The following PIK3C2A variants were observed in gnomAD, a reference collection of about 807,000 sequenced individuals.
PIK3C2A encodes the protein phosphatidylinositol-4-phosphate 3-kinase catalytic subunit type 2 alpha.
In PIK3C2A, 97 loss-of-function variants were observed where a neutral mutation model predicts 204.5. That is an observed-to-expected ratio of 0.47 (90% CI 0.40 to 0.56). The LOEUF is 0.56. Ranked by LOEUF, PIK3C2A falls within the 20% of genes least tolerant of loss-of-function variation. The pLI is 0.00. For missense variants in PIK3C2A, 1,735 were observed against 1,969.2 expected, an observed-to-expected ratio of 0.88 and a Z score of 2.25; for synonymous variants, 653 against 664.4, an observed-to-expected ratio of 0.98 and a Z score of 0.26.
intron 2 of PIK3C2A, among the ~76,000 whole-genome samples, chr11:17,160,907 G>A (rs886243201): frequency 6.6e-6 from 1 of 152,106 alleles, no homozygotes; most frequent in African/African-American, 2.4e-5. Flanking sequence ...AAAAAAAACA[G>A]TTAAGTTTTG....
At chr11:17,176,164 C>T (rs533701129) in intron 1 of PIK3C2A, among the ~76,000 whole-genome samples, 20 of 150,164 alleles carry the variant, frequency 1.3e-4, no homozygotes, top group Admixed American at 1.3e-3. Flanking sequence ...CCACCATGCC[C>T]GGCTCATTTT....
intron 27 of PIK3C2A, among the ~76,000 whole-genome samples, chr11:17,094,706 G>A (rs1277033095): frequency 4.6e-5 from 7 of 152,146 alleles, no homozygotes; most frequent in African/African-American, 1.7e-4. Flanking sequence ...GGGCAACAGA[G>A]CGAGACTCCA....
At chr11:17,181,687 C>CAA (rs1851571187) in intron 1 of PIK3C2A, among the ~76,000 whole-genome samples, 1 of 116,650 alleles carries the variant, frequency 8.6e-6, no homozygotes. Flanking sequence ...CACACACACA[C>CAA]ACACACAAAC....
At chr11:17,105,580 T>C (rs1027336035) in intron 22 of PIK3C2A, among the ~76,000 whole-genome samples, 3 of 152,156 alleles carry the variant, frequency 2.0e-5, no homozygotes, top group Non-Finnish European at 2.9e-5. Context: ...TGGTGTGTGA[T>C]GTTCCCCTCC....
chr11:17,125,746 C>T (rs1001259834), intron 13 of PIK3C2A, among the ~76,000 whole-genome samples: 1 of 152,024 alleles, frequency 6.6e-6, no homozygotes, highest in Non-Finnish European at 1.5e-5. Flanking sequence ...CTCAAACTCC[C>T]GCCTTGGCTT....
intron 2 of PIK3C2A, among the ~76,000 whole-genome samples, chr11:17,163,908 T>TAA (rs35154954): frequency 2.6e-3 from 367 of 142,572 alleles, no homozygotes; most frequent in African/African-American, 5.3e-3. Context: ...TACAAAACCT[T>TAA]AAAAAAAAAA....
intron 1 of PIK3C2A, among the ~76,000 whole-genome samples, chr11:17,204,662 G>A (rs532372843): frequency 3.3e-4 from 50 of 152,234 alleles, no homozygotes; most frequent in African/African-American, 1.2e-3. Flanking sequence ...AAATTCTTGA[G>A]AGCAAGCACT....
intron 27 of PIK3C2A, among the ~76,000 whole-genome samples, chr11:17,095,708 G>A (rs922808598): frequency 1.3e-5 from 2 of 151,720 alleles, no homozygotes; most frequent in African/African-American, 2.4e-5. Flanking sequence ...CCAGGAATTC[G>A]CCTGGCCATG....
chr11:17,199,650 C>A (rs1852295315), intron 1 of PIK3C2A, among the ~76,000 whole-genome samples: 1 of 152,074 alleles, frequency 6.6e-6, no homozygotes, highest in South Asian at 2.1e-4. Context: ...TTCACAGAGA[C>A]AAAAAGTAGA....
At chr11:17,131,884 T>G in intron 12 of PIK3C2A, 32 bp downstream of exon 12, 2 of 1,583,048 alleles carry the variant, frequency 1.3e-6, no homozygotes, top group Non-Finnish European at 8.6e-7. Context: ...CAGGACACAC[T>G]GAAAGAATAA....
chr11:17,192,635 T>C (rs1334853011), intron 1 of PIK3C2A, among the ~76,000 whole-genome samples: 2 of 152,152 alleles, frequency 1.3e-5, no homozygotes, highest in Non-Finnish European at 2.9e-5. Flanking sequence ...TTGGTAGAGA[T>C]GGGGTTTCAC....
At chr11:17,192,136 C>T (rs778293291) in intron 1 of PIK3C2A, among the ~76,000 whole-genome samples, 5 of 152,026 alleles carry the variant, frequency 3.3e-5, no homozygotes, top group African/African-American at 4.8e-5. Context: ...CAGAGCGAGA[C>T]CCCTGTCTCA....
chr11:17,110,739 A>G (rs939494085), intron 21 of PIK3C2A, among the ~76,000 whole-genome samples, 178 bp from the exon 22 acceptor site: 1 of 152,112 alleles, frequency 6.6e-6, no homozygotes, highest in African/African-American at 2.4e-5. Context: ...CTAAAAACAC[A>G]AAAATTAGCT....
Position 17,166,394 on chromosome 11 carries a change from A to G in PIK3C2A, c.1065+2283T>C, listed in dbSNP as rs568264297. Among the ~76,000 whole-genome samples, 135 of 152,284 alleles carry G rather than the reference A, an allele frequency of 8.9e-4. 1 individual carries two copies. Among genetic ancestry groups the G allele is most frequent in the Non-Finnish European group, 9.7e-4 (66 of 68,008 alleles). Reference sequence around the variant, plus strand: ...TGGAGCTTTGGACAGTAAATAACCCACCTACCCAGAAACCTCAACTTGCTT... The same window carrying G: ...TGGAGCTTTGGACAGTAAATAACCCGCCTACCCAGAAACCTCAACTTGCTT... On this transcript the variant is annotated intron_variant, in intron 2 of 32. Transcript: ENST00000691414.
At chr11:17,106,347 G>A (rs1329456520) in intron 22 of PIK3C2A, among the ~76,000 whole-genome samples, 2 of 152,108 alleles carry the variant, frequency 1.3e-5, no homozygotes, top group Non-Finnish European at 2.9e-5. Context: ...AGGAGGCAGA[G>A]GTTGCAGTGA....
chr11:17,191,078 G>A lies in PIK3C2A; in HGVS notation c.-66+16770C>T, dbSNP rs921779653. Among the ~76,000 whole-genome samples, 7 of 152,274 alleles carry A rather than the reference G, an allele frequency of 4.6e-5. No homozygotes were observed. The South Asian group carries it at 8.3e-4, about 18-fold the overall frequency. ...ATGACTACTTGAAAGAAATTATGTC[G>A]GTTCTTATTAATACATGGAGTTAGG... is the stretch of plus-strand genomic sequence containing the variant. On this transcript the variant is annotated intron_variant, in intron 1 of 32. Coordinates refer to ENST00000691414, the MANE Select transcript of PIK3C2A (RefSeq NM_002645.4).
intron 22 of PIK3C2A, among the ~76,000 whole-genome samples, chr11:17,107,999 C>T (rs908785762): frequency 1.3e-5 from 2 of 152,180 alleles, no homozygotes; most frequent in African/African-American, 4.8e-5. Flanking sequence ...AGCCTCCCAG[C>T]AGCCAGGACT....
chr11:17,194,207 G>T, intron 1 of PIK3C2A: 1 of 416,768 alleles, frequency 2.4e-6, no homozygotes, highest in Non-Finnish European at 4.1e-6. Context: ...CCGGCCAAAC[G>T]ACAAGGACAA....
Position 17,122,741 on chromosome 11 carries a change from A to T in PIK3C2A, c.2472T>A (p.Val824=). The T allele has an allele frequency of 6.4e-7, 1 of 1,559,878 alleles. No homozygotes were observed. Among genetic ancestry groups the T allele is most frequent in the South Asian group, 1.1e-5 (1 of 88,108 alleles). The change falls in exon 14 of 33, where the codon GTT becomes GTA. Residue 824 remains valine, a synonymous_variant. Transcript: ENST00000691414. ...SSHTNSVPGT[V]TKKGYVMERI... ...TTTCCATGACATATCCTTTTTTGGTAACTGTTCCAGGAACAGAATTTGTAT... is the reference window on the plus strand; with the variant it reads ...TTTCCATGACATATCCTTTTTTGGTTACTGTTCCAGGAACAGAATTTGTAT...
Sources: gnomAD v4.1 joint callset for allele counts (sites outside exome capture counted in the v4.1 genomes callset) on GRCh38, gnomAD v4.1.1 for gene constraint, MANE v1.5 for transcripts, NCBI Gene and HGNC (gene_info 2026-07-23, HGNC 2026-07-21) for gene names.